Variants in DYTN observed in about 807,000 individuals in gnomAD.
DYTN encodes the protein dystrotelin.
Under a neutral mutation model 69.6 loss-of-function variants are expected in DYTN, and 75 were observed. That is an observed-to-expected ratio of 1.08 (90% CI 0.89 to 1.31). The LOEUF is 1.31. DYTN is among the 50% of genes most tolerant of loss of function. The probability of loss-of-function intolerance (pLI) is 0.00; values close to 1 mark genes in which losing one functional copy is unlikely to be tolerated. For synonymous variants in DYTN, 252 were observed against 249.1 expected, an observed-to-expected ratio of 1.01 and a Z score of -0.11; for missense variants, 726 against 688.4, an observed-to-expected ratio of 1.05 and a Z score of -0.61.
In DYTN at chr2:206,663,315, C is replaced by T. The variant is rs143345015; in HGVS notation, c.1221G>A (p.Lys407=). The part of the protein sequence containing the change: ...GNKVDHSSTE[K]VPKGGDYLQI... The stretch of plus-strand genomic sequence containing the variant: ...GCAAATAATCCCCTCCCTTTGGAAC[C>T]TTTTCAGTTGAAGAATGGTCAACCT... Residue 407 remains lysine, a synonymous_variant, in exon 11 of 12, where the codon AAG becomes AAA. Coordinates refer to ENST00000452335, the MANE Select transcript of DYTN (RefSeq NM_001093730.1). The T allele has an allele frequency of 3.9e-3, 6,290 of 1,613,984 alleles. 10 individuals carry two copies. Among genetic ancestry groups the T allele is most frequent in the Non-Finnish European group, 5.0e-3 (5,938 of 1,179,888 alleles).
intron 7 of DYTN, among the ~76,000 whole-genome samples, chr2:206,696,535 A>G (rs1187659801): frequency 1.3e-5 from 2 of 152,230 alleles, no homozygotes; most frequent in Non-Finnish European, 2.9e-5. Flanking sequence ...GGCAGTGTAC[A>G]TGTGTTGACC....
intron 7 of DYTN, among the ~76,000 whole-genome samples, chr2:206,697,662 A>T (rs1699933295): frequency 6.6e-6 from 1 of 152,200 alleles, no homozygotes; most frequent in Non-Finnish European, 1.5e-5. Flanking sequence ...AACAAACCAA[A>T]AAACAAAAAC....
intron 9 of DYTN, among the ~76,000 whole-genome samples, chr2:206,689,738 G>T (rs965012721): frequency 1.3e-5 from 2 of 152,174 alleles, no homozygotes; most frequent in African/African-American, 4.8e-5. Context: ...CTCTGTTCCA[G>T]ATTCAGTCAA....
rs752538223 is a variant in DYTN at position 206,694,876 on chromosome 2, A to G, written c.721T>C (p.Tyr241His). ...CRTFPITGLRYRCLKCLNFDI... is the reference protein window; with the variant it reads ...CRTFPITGLRHRCLKCLNFDI... ...AAGTTGAGACACTTCAGACAGCGGTATCTGCCAGTTAAAATAGAAGCACAG... is the reference window on the plus strand; with the variant it reads ...AAGTTGAGACACTTCAGACAGCGGTGTCTGCCAGTTAAAATAGAAGCACAG... The change falls in exon 8 of 12, where the codon TAC becomes CAC. Residue 241 changes from tyrosine (Y) to histidine (H), a missense_variant and splice_region_variant. Coordinates refer to ENST00000452335, the MANE Select transcript of DYTN (RefSeq NM_001093730.1). The G allele has an allele frequency of 1.1e-5, 17 of 1,581,768 alleles. No individual in the cohort carries two copies. Among genetic ancestry groups the G allele is most frequent in the Non-Finnish European group, 1.3e-5 (15 of 1,167,316 alleles).
chr2:206,661,827 CT>C (rs948924139), intron 11 of DYTN, among the ~76,000 whole-genome samples: 11 of 152,156 alleles, frequency 7.2e-5, no homozygotes, highest in African/African-American at 2.7e-4. Context: ...GCCAGCACCC[CT>C]AATCCCTGCA....
intron 9 of DYTN, among the ~76,000 whole-genome samples, chr2:206,674,897 C>T (rs533741540): frequency 8.6e-5 from 13 of 151,860 alleles, no homozygotes; most frequent in East Asian, 1.9e-4. Context: ...ACTTCCTCTA[C>T]GTTAAAAACC....
At chr2:206,685,218 G>A (rs951522569) in intron 9 of DYTN, among the ~76,000 whole-genome samples, 1 of 151,828 alleles carries the variant, frequency 6.6e-6, no homozygotes, top group African/African-American at 2.4e-5. Context: ...AGTGAGTGCA[G>A]CAGCGCAATC....
intron 7 of DYTN, among the ~76,000 whole-genome samples, chr2:206,696,991 T>G (rs952043100): frequency 1.3e-5 from 2 of 152,206 alleles, no homozygotes; most frequent in Non-Finnish European, 2.9e-5. Context: ...TGCAAAATTT[T>G]TAGAAAACTT....
At chr2:206,693,148 GA>G (rs1260424389) in intron 9 of DYTN, 26 bp downstream of exon 9, 20 of 1,585,726 alleles carry the variant, frequency 1.3e-5, no homozygotes, top group Non-Finnish European at 1.7e-5. Context: ...TGCTCTGTGG[GA>G]TCAGCCAATC....
intron 1 of DYTN, among the ~76,000 whole-genome samples, chr2:206,714,501 C>T (rs777377256): frequency 1.6e-4 from 25 of 152,242 alleles, no homozygotes; most frequent in Non-Finnish European, 2.6e-4. Flanking sequence ...TGCGTAAAGA[C>T]GGCTCTTGAA....
rs1316559283 is a variant in DYTN at position 206,651,927 on chromosome 2, A to C, written c.1634-6T>G. ...GTTTACTGAAGACTCCGGGCCTGAA[A>C]TCAACAAACAAGAGAGTCATTTAGA... On this transcript the variant is annotated splice_region_variant and splice_polypyrimidine_tract_variant and intron_variant, in intron 11 of 11. Transcript: ENST00000452335. 2.5e-6 allele frequency: 4 copies of C among 1,609,270 alleles called. No individual in the cohort carries two copies. The Admixed American group carries it at 6.7e-5, about 27-fold the overall frequency.
intron 11 of DYTN, among the ~76,000 whole-genome samples, chr2:206,658,211 C>A (rs1046585746): frequency 3.3e-5 from 5 of 152,006 alleles, no homozygotes; most frequent in African/African-American, 9.7e-5. Context: ...TTAAAAATTT[C>A]TCTATCTCTT....
At chr2:206,658,801 T>C (rs779145253) in intron 11 of DYTN, among the ~76,000 whole-genome samples, 6 of 152,202 alleles carry the variant, frequency 3.9e-5, no homozygotes, top group Non-Finnish European at 7.4e-5. Context: ...TCTCAAACCA[T>C]GCCCTCCTAA....
At chr2:206,681,986 G>T (rs907766366) in intron 9 of DYTN, among the ~76,000 whole-genome samples, 1 of 152,118 alleles carries the variant, frequency 6.6e-6, no homozygotes, top group Admixed American at 6.6e-5. Context: ...GTAGAATTCG[G>T]CTGTGAATCT....
chr2:206,682,884 T>G lies in DYTN; in HGVS notation c.980+10291A>C, dbSNP rs536930359. On this transcript the variant is annotated intron_variant, in intron 9 of 11. Coordinates refer to ENST00000452335, the MANE Select transcript of DYTN (RefSeq NM_001093730.1). ...ATAGAACCACCATGACAGTATAATTTAGTGCAAATGCAGGAATAGACACAT... is the reference window on the plus strand; with the variant it reads ...ATAGAACCACCATGACAGTATAATTGAGTGCAAATGCAGGAATAGACACAT... Among the ~76,000 whole-genome samples the G allele has an allele frequency of 1.6e-4, 25 of 152,244 alleles. 1 individual carries two copies. In the South Asian group the frequency reaches 5.2e-3, roughly 32 times the overall value.
At chr2:206,705,915 G>A (rs1181769147) in intron 3 of DYTN, 42 bp from the exon 4 acceptor site, 2 of 1,600,430 alleles carry the variant, frequency 1.2e-6, no homozygotes, top group South Asian at 2.2e-5. Flanking sequence ...GGGAAGGCCA[G>A]GGTTACCTTT....
chr2:206,661,711 TG>T (rs1699514722), intron 11 of DYTN, among the ~76,000 whole-genome samples: 1 of 152,214 alleles, frequency 6.6e-6, no homozygotes, highest in Non-Finnish European at 1.5e-5. Flanking sequence ...GCAAAGTGTG[TG>T]TTAATCAACC....
chr2:206,652,016 T>A lies in DYTN; in HGVS notation c.1634-95A>T, dbSNP rs982032185. ...GCTCTCACATGGAGAAGAAACAGAA[T>A]CCATTTTTCTTCAGTTCTCAAGGAC... On this transcript the variant is annotated intron_variant, in intron 11 of 11. Transcript: ENST00000452335. The A allele has an allele frequency of 4.3e-6, 5 of 1,162,164 alleles. No homozygotes were observed. The African/African-American group carries it at 7.7e-5, about 18-fold the overall frequency. 72.0% of individuals were successfully genotyped at this position (1,162,164 alleles called of 1,614,324 possible). A position where few individuals can be genotyped will look rare whatever the true frequency, so the allele number is the denominator to read the frequency against.
chr2:206,705,092 G>T (rs533901824), intron 4 of DYTN, 149 bp from the exon 5 acceptor site: 14 of 658,382 alleles, frequency 2.1e-5, no homozygotes, highest in South Asian at 3.9e-5. Flanking sequence ...TATTATGAAG[G>T]CCTCCAAAAC....
Sources: allele counts gnomAD v4.1 joint callset (sites outside exome capture counted in the v4.1 genomes callset), GRCh38; gene constraint gnomAD v4.1.1; transcripts MANE v1.5; gene names NCBI Gene and HGNC (gene_info 2026-07-23, HGNC 2026-07-21).